Variants in LNP1 observed in about 807,000 individuals in gnomAD.
LNP1 encodes leukemia NUP98 fusion partner 1.
In LNP1, 12 loss-of-function variants were observed where a neutral mutation model predicts 14.5. That is an observed-to-expected ratio of 0.83 (90% CI 0.53 to 1.34). LNP1 has a LOEUF of 1.34. Ranked by LOEUF, LNP1 falls within the 40% of genes most tolerant of loss-of-function variation. LNP1 has a pLI of 0.00. For synonymous variants in LNP1, 75 were observed against 71.4 expected, an observed-to-expected ratio of 1.05 and a Z score of -0.26; for missense variants, 198 against 210.9, an observed-to-expected ratio of 0.94 and a Z score of 0.38.
chr3:100,426,075 A>T (rs1422183517), intron 1 of LNP1, among the ~76,000 whole-genome samples: 2 of 152,186 alleles, frequency 1.3e-5, no homozygotes, highest in African/African-American at 2.4e-5. Context: ...ACTCTCTGTG[A>T]TGTGCTCTCC....
intron 1 of LNP1, among the ~76,000 whole-genome samples, chr3:100,425,110 G>A (rs1479472621): frequency 6.6e-6 from 1 of 152,162 alleles, no homozygotes; most frequent in African/African-American, 2.4e-5. Flanking sequence ...AGATAGTCAA[G>A]ATAGGTACAC....
chr3:100,448,868 T>G (rs930993256), intron 2 of LNP1, among the ~76,000 whole-genome samples: 2 of 152,190 alleles, frequency 1.3e-5, no homozygotes, highest in Non-Finnish European at 2.9e-5. Context: ...TAAAACCGTT[T>G]TTTTTCCTAT....
rs571159960 is a variant in LNP1, at chr3:100,428,749, T to G, written c.-33-948T>G. 1.4e-4 allele frequency among the ~76,000 whole-genome samples: 21 copies of G among 152,286 alleles called. No individual in the cohort carries two copies. In the South Asian group the frequency reaches 2.1e-3, roughly 15 times the overall value. ...AATGACCATCACTAGTAGACTGAAT[T>G]TTTAAAAAATTGTGACATGTTGATG... On this transcript the variant is annotated intron_variant, in intron 1 of 3. Transcript: ENST00000383693.
rs1707463185 is a variant in LNP1, at chr3:100,451,897, CAG to C, written c.338_339del (p.Glu113ValfsTer3). ...TCCCATTCCAAAATTGAGAAATTTT[CAG>C]AGTCCTTTGAACGGCAACTGTGCTT... On this transcript the variant is annotated frameshift_variant, in exon 3 of 4. Coordinates refer to ENST00000383693, the MANE Select transcript of LNP1 (RefSeq NM_001085451.2). LOFTEE classifies it high-confidence loss of function. 4 of 1,613,954 alleles carry C rather than the reference CAG, an allele frequency of 2.5e-6. No individual in the cohort carries two copies. Among genetic ancestry groups the C allele is most frequent in the Admixed American group, 3.3e-5 (2 of 59,966 alleles).
intron 1 of LNP1, among the ~76,000 whole-genome samples, chr3:100,410,150 T>C (rs532764460): frequency 6.6e-6 from 1 of 152,202 alleles, no homozygotes; most frequent in African/African-American, 2.4e-5. Flanking sequence ...GGCTGGAAGA[T>C]TTTTGAGGTG....
chr3:100,441,639 T>C (rs1252510096), intron 2 of LNP1, among the ~76,000 whole-genome samples: 2 of 150,792 alleles, frequency 1.3e-5, no homozygotes, highest in African/African-American at 2.4e-5. Flanking sequence ...TAAATATATA[T>C]ATATATATAT....
intron 2 of LNP1, among the ~76,000 whole-genome samples, chr3:100,435,611 C>T (rs1273444185): frequency 1.3e-5 from 2 of 152,132 alleles, no homozygotes; most frequent in Admixed American, 6.5e-5. Flanking sequence ...CATCCCACAG[C>T]CTGGGAAGCA....
intron 1 of LNP1, among the ~76,000 whole-genome samples, chr3:100,419,047 G>A (rs1707118343): frequency 6.6e-6 from 1 of 152,144 alleles, no homozygotes; most frequent in Non-Finnish European, 1.5e-5. Context: ...GCTGTTGGTG[G>A]TTTGACCCCA....
At chr3:100,423,427 G>A (rs761649386) in intron 1 of LNP1, among the ~76,000 whole-genome samples, 2 of 152,196 alleles carry the variant, frequency 1.3e-5, no homozygotes, top group Non-Finnish European at 2.9e-5. Context: ...GGAGGCTGAG[G>A]TTGGAGGATT....
intron 2 of LNP1, among the ~76,000 whole-genome samples, chr3:100,430,218 T>C (rs914944946): frequency 1.1e-4 from 17 of 152,244 alleles, no homozygotes; most frequent in Non-Finnish European, 5.9e-5. Context: ...TTAGTCTGTG[T>C]AGCCTTGTGG....
intron 1 of LNP1, among the ~76,000 whole-genome samples, chr3:100,409,521 C>T (rs1707005835): frequency 6.7e-6 from 1 of 148,152 alleles, no homozygotes; most frequent in Non-Finnish European, 1.5e-5. Flanking sequence ...TGGGCGCCTG[C>T]AATTCCAGCT....
intron 1 of LNP1, among the ~76,000 whole-genome samples, chr3:100,416,595 TTTTTTGTG>T (rs953913675): frequency 6.8e-5 from 5 of 73,074 alleles, no homozygotes; most frequent in Non-Finnish European, 9.9e-5. Context: ...TGAGTATATC[TTTTTTGTG>T]TGTGTGTGTG....
intron 1 of LNP1, among the ~76,000 whole-genome samples, chr3:100,406,531 A>T (rs1367493236): frequency 6.6e-6 from 1 of 151,716 alleles, no homozygotes; most frequent in East Asian, 1.9e-4. Context: ...CTTGATTTTT[A>T]TTTTTTTATT....
At chr3:100,410,415 A>G (rs751303447) in intron 1 of LNP1, among the ~76,000 whole-genome samples, 7 of 152,226 alleles carry the variant, frequency 4.6e-5, no homozygotes, top group Non-Finnish European at 1.0e-4. Context: ...ATAAAGTAGC[A>G]AAGAATATGG....
intron 1 of LNP1, among the ~76,000 whole-genome samples, chr3:100,423,000 C>G (rs1239437940): frequency 6.6e-6 from 1 of 151,896 alleles, no homozygotes; most frequent in African/African-American, 2.4e-5. Flanking sequence ...CACAGTATAA[C>G]TTGATAATAT....
intron 2 of LNP1, among the ~76,000 whole-genome samples, chr3:100,440,836 T>C (rs1042667981): frequency 1.1e-4 from 17 of 152,072 alleles, no homozygotes; most frequent in African/African-American, 3.6e-4. Flanking sequence ...AGGAGAAGCA[T>C]TGGAAACCAG....
intron 1 of LNP1, among the ~76,000 whole-genome samples, chr3:100,424,947 AT>A (rs1227466461): frequency 6.6e-6 from 1 of 152,228 alleles, no homozygotes; most frequent in Non-Finnish European, 1.5e-5. Context: ...CCCATTAGCT[AT>A]AAAGGTTAAT....
Position 100,451,789 on chromosome 3 carries a change from T to C in LNP1, c.227T>C (p.Phe76Ser). 3.1e-6 allele frequency: 5 copies of C among 1,614,066 alleles called. No homozygotes were observed. The South Asian group carries it at 5.5e-5, about 18-fold the overall frequency. Residue 76 changes from phenylalanine to serine, a missense_variant, in exon 3 of 4, where the codon TTT (phenylalanine) becomes TCT (serine). Coordinates refer to ENST00000383693, the MANE Select transcript of LNP1 (RefSeq NM_001085451.2). ...PRRHSHEDQE[F>S]RCRSHVRDYR... ...AGGCATTCTCATGAGGACCAAGAAT[T>C]TCGATGCCGTAGCCACGTACGGGAT...
At chr3:100,444,609 A>C (rs1707371729) in intron 2 of LNP1, among the ~76,000 whole-genome samples, 2 of 152,218 alleles carry the variant, frequency 1.3e-5, no homozygotes, top group Admixed American at 6.5e-5. Flanking sequence ...CCAAGGTTTA[A>C]AACACTTGAT....
Sources: allele counts gnomAD v4.1 joint callset (sites outside exome capture counted in the v4.1 genomes callset), GRCh38; gene constraint gnomAD v4.1.1; transcripts MANE v1.5; gene names NCBI Gene and HGNC (gene_info 2026-07-23, HGNC 2026-07-21).